Variants in LRIG3 observed in about 807,000 individuals in gnomAD.
LRIG3 encodes the protein leucine rich repeats and immunoglobulin like domains 3, also known as leucine-rich repeats and immunoglobulin-like domains protein 3.
In LRIG3, 76 loss-of-function variants were observed where a neutral mutation model predicts 114.5. That is an observed-to-expected ratio of 0.66 (90% CI 0.55 to 0.80). LRIG3 has a LOEUF of 0.80. LRIG3 is among the 30% of genes least tolerant of loss of function. The pLI is 0.00. For synonymous variants in LRIG3, 512 were observed against 519.8 expected, an observed-to-expected ratio of 0.98 and a Z score of 0.20; for missense variants, 1,239 against 1,382.8, an observed-to-expected ratio of 0.90 and a Z score of 1.65.
intron 3 of LRIG3, among the ~76,000 whole-genome samples, chr12:58,895,396 G>A (rs533356175): frequency 6.6e-6 from 1 of 152,334 alleles, no homozygotes; most frequent in South Asian, 2.1e-4. Context: ...TCTGTGGGAT[G>A]AGTTAGCTCA....
intron 9 of LRIG3, 128 bp downstream of exon 9, chr12:58,886,681 CA>C (rs1871285788): frequency 1.5e-6 from 1 of 669,358 alleles, no homozygotes; most frequent in Non-Finnish European, 2.5e-6. Context: ...GGGAGAGGAT[CA>C]AGGGTGGTAA....
chr12:58,887,619 C>T (rs542367438), intron 8 of LRIG3, among the ~76,000 whole-genome samples, 170 bp downstream of exon 8: 16 of 152,254 alleles, frequency 1.1e-4, no homozygotes, highest in African/African-American at 3.6e-4. Flanking sequence ...ATACGAAACA[C>T]ATATGGATGA....
rs762896181 is a variant in LRIG3 at position 58,919,459 on chromosome 12, GAAC to G, written c.236+538_236+540del. On this transcript the variant is annotated intron_variant, in intron 1 of 18. Coordinates refer to ENST00000320743, the MANE Select transcript of LRIG3 (RefSeq NM_153377.5). ...TAATGTGAAAAAGCAAGCAGAGGGA[GAAC>G]AACAGAAGTACGTCCACCATAACTT... 3.9e-5 allele frequency: 61 copies of G among 1,551,636 alleles called. 1 individual carries two copies. The South Asian group carries it at 6.1e-4, about 15-fold the overall frequency.
intron 3 of LRIG3, among the ~76,000 whole-genome samples, chr12:58,891,105 T>A (rs181357211): frequency 0.016 from 2,459 of 152,080 alleles, 16 homozygotes; most frequent in Middle Eastern, 0.051. Context: ...TCTTTTTTTT[T>A]AAAAATTTTT....
intron 3 of LRIG3, among the ~76,000 whole-genome samples, chr12:58,897,071 G>A (rs1871669040): frequency 6.6e-6 from 1 of 152,160 alleles, no homozygotes; most frequent in African/African-American, 2.4e-5. Flanking sequence ...AGTTTGGCAA[G>A]CAAAGAACTC....
At chr12:58,900,603 T>C (rs569225569) in intron 3 of LRIG3, among the ~76,000 whole-genome samples, 59 of 152,300 alleles carry the variant, frequency 3.9e-4, no homozygotes, top group African/African-American at 1.3e-3. Context: ...TCTGTTTTAC[T>C]GAAAAAAAAT....
intron 3 of LRIG3, among the ~76,000 whole-genome samples, chr12:58,912,244 C>T (rs1872307252): frequency 6.6e-6 from 1 of 152,186 alleles, no homozygotes; most frequent in South Asian, 2.1e-4. Flanking sequence ...CACCTGCAAT[C>T]CCAACACTTT....
At position 58,887,921 on chromosome 12, in the gene LRIG3, A is replaced by C. The variant is rs1461407999; in HGVS notation, c.959T>G (p.Phe320Cys). The change falls in exon 8 of 19, where the codon TTC (phenylalanine) becomes TGC (cysteine). Residue 320 changes from phenylalanine to cysteine, a missense_variant. Coordinates refer to ENST00000320743, the MANE Select transcript of LRIG3 (RefSeq NM_153377.5). ...ATCATCTAACCTTGATAAGTGATTG[A>C]AAGTTAGGTCCCTGTAAAGAAAAAA... ...CQKLSELDLT[F>C]NHLSRLDDSS... 6.2e-7 allele frequency: 1 copy of C among 1,612,498 alleles called. No homozygotes were observed. The highest frequency in any genetic ancestry group is 1.3e-5 in the African/African-American group (1 of 74,868).
chr12:58,893,336 T>C (rs1351607690), intron 3 of LRIG3, among the ~76,000 whole-genome samples: 1 of 152,230 alleles, frequency 6.6e-6, no homozygotes, highest in Admixed American at 6.5e-5. Context: ...GAAAATCTAA[T>C]GTCAGGTAAC....
At chr12:58,883,628 T>A (rs771543037) in intron 10 of LRIG3, 37 bp from the exon 11 acceptor site, 4 of 1,466,548 alleles carry the variant, frequency 2.7e-6, no homozygotes, top group Admixed American at 1.8e-5. Context: ...CAGAGCAAAC[T>A]ACCATCATTT....
chr12:58,874,724 A>G (rs1049576764), intron 16 of LRIG3, 151 bp from the exon 17 acceptor site: 6 of 937,722 alleles, frequency 6.4e-6, no homozygotes, highest in Admixed American at 2.8e-5. Flanking sequence ...TAGGGTTTTA[A>G]AAAATTTATT....
chr12:58,899,760 A>C (rs1290906546), intron 3 of LRIG3, among the ~76,000 whole-genome samples: 1 of 152,152 alleles, frequency 6.6e-6, no homozygotes, highest in Non-Finnish European at 1.5e-5. Context: ...GCAGCACTAA[A>C]AGCCTTCTGA....
Position 58,882,894 on chromosome 12 carries a change from A to G in LRIG3, c.1455T>C (p.Ala485=), listed in dbSNP as rs1871164152. The change falls in exon 12 of 19, where the codon GCT becomes GCC. Residue 485 remains alanine (A), a synonymous_variant. Transcript: ENST00000320743. ...CACACACAAAGCCATCTGGGCTAAC[A>G]GCAAAAATGCTTCTTCCTTTTAGCA... is the stretch of plus-strand genomic sequence containing the variant. The part of the protein sequence containing the change: ...PQLLKGRSIF[A]VSPDGFVCDD... 1 of 1,613,970 alleles carries G rather than the reference A, an allele frequency of 6.2e-7. No individual in the cohort carries two copies. The highest frequency in any genetic ancestry group is 1.1e-5 in the South Asian group (1 of 91,086).
chr12:58,876,728 G>A (rs1258946739), intron 15 of LRIG3, 125 bp from the exon 16 acceptor site: 15 of 939,978 alleles, frequency 1.6e-5, no homozygotes, highest in Admixed American at 4.6e-5. Context: ...ATCTACTCTG[G>A]CAAAACCATC....
At chr12:58,906,314 G>A (rs184082216) in intron 3 of LRIG3, among the ~76,000 whole-genome samples, 4 of 152,092 alleles carry the variant, frequency 2.6e-5, no homozygotes, top group South Asian at 2.1e-4. Context: ...TCTACTGCAC[G>A]TTACTAAGAG....
At chr12:58,910,380 C>T (rs1013893249) in intron 3 of LRIG3, among the ~76,000 whole-genome samples, 2 of 152,124 alleles carry the variant, frequency 1.3e-5, no homozygotes, top group African/African-American at 2.4e-5. Flanking sequence ...GAGGCTGAGG[C>T]GGGCGGATCA....
chr12:58,919,823 G>A (rs1437459915), intron 1 of LRIG3, among the ~76,000 whole-genome samples, 177 bp downstream of exon 1: 1 of 152,200 alleles, frequency 6.6e-6, no homozygotes, highest in Non-Finnish European at 1.5e-5. Flanking sequence ...ACGTGGGAGG[G>A]AAACTGAGGC....
At position 58,899,812 on chromosome 12, in the gene LRIG3, C is replaced by T. The variant is rs189424332; in HGVS notation, c.384-9016G>A. Among the ~76,000 whole-genome samples the T allele has an allele frequency of 1.7e-4, 26 of 152,180 alleles. No homozygotes were observed. In the East Asian group the frequency reaches 4.5e-3, roughly 26 times the overall value. ...GGGCTTGTTGAATGGTGAGTGCCAG[C>T]ACAGGTGAAGGAGGGACCTATTTTA... On this transcript the variant is annotated intron_variant, in intron 3 of 18. Coordinates refer to ENST00000320743, the MANE Select transcript of LRIG3 (RefSeq NM_153377.5).
In LRIG3 at chr12:58,895,432, C is replaced by T. The variant is rs142086870; in HGVS notation, c.384-4636G>A. Among the ~76,000 whole-genome samples, 16 of 152,270 alleles carry T rather than the reference C, an allele frequency of 1.1e-4. No individual in the cohort carries two copies. The East Asian group carries it at 3.1e-3, about 29-fold the overall frequency. On this transcript the variant is annotated intron_variant, in intron 3 of 18. Coordinates refer to ENST00000320743, the MANE Select transcript of LRIG3 (RefSeq NM_153377.5). Reference sequence around the variant, plus strand: ...GCAAAGGACAGTAGAGGCTAGTGCTCTAAGCCGAGGCAAAGATTTGGGCAA... The same window carrying T: ...GCAAAGGACAGTAGAGGCTAGTGCTTTAAGCCGAGGCAAAGATTTGGGCAA...
Sources: allele counts gnomAD v4.1 joint callset (sites outside exome capture counted in the v4.1 genomes callset), GRCh38; gene constraint gnomAD v4.1.1; transcripts MANE v1.5; gene names NCBI Gene and HGNC (gene_info 2026-07-23, HGNC 2026-07-21).